CADPS: variants seen among roughly 807,000 people sequenced by gnomAD.
CADPS encodes calcium-dependent secretion activator 1.
Under a neutral mutation model 167.3 loss-of-function variants are expected in CADPS, and 57 were observed. That is an observed-to-expected ratio of 0.34 (90% CI 0.28 to 0.42). CADPS has a LOEUF of 0.42. Among genes scored for constraint, CADPS ranks in the 20% least tolerant of loss-of-function variants. The pLI, the probability that CADPS is intolerant of heterozygous loss-of-function variation, is 1.00. For synonymous variants in CADPS, 676 were observed against 635.3 expected (o/e 1.06, Z -0.96); for missense variants, 1,414 against 1,738.1 (o/e 0.81, Z 3.32).
intron 1 of CADPS, among the ~76,000 whole-genome samples, chr3:62,766,733 C>T (rs992958860): frequency 2.0e-5 from 3 of 152,140 alleles, no homozygotes; most frequent in African/African-American, 7.2e-5. Flanking sequence ...GATTCCTACT[C>T]ATTCTTCCTC....
chr3:62,817,202 A>G (rs866736144), intron 1 of CADPS, among the ~76,000 whole-genome samples: 1 of 146,158 alleles, frequency 6.8e-6, no homozygotes, highest in Non-Finnish European at 1.5e-5. Flanking sequence ...TTTGATAGAC[A>G]CTGCACCATT....
At chr3:62,646,781 C>G (rs1037537756) in intron 5 of CADPS, among the ~76,000 whole-genome samples, 1 of 152,162 alleles carries the variant, frequency 6.6e-6, no homozygotes, top group Non-Finnish European at 1.5e-5. Flanking sequence ...AAAACTGAAT[C>G]AGAGTCACAG....
At chr3:62,550,825 A>G (rs1230396236) in intron 10 of CADPS, 2 of 456,486 alleles carry the variant, frequency 4.4e-6, no homozygotes, top group Non-Finnish European at 8.8e-6. Flanking sequence ...AAAAGCCCTC[A>G]TTTTATTGGG....
chr3:62,865,469 T>C (rs944237436), intron 1 of CADPS, among the ~76,000 whole-genome samples: 70 of 151,770 alleles, frequency 4.6e-4, no homozygotes, highest in African/African-American at 1.7e-3. Flanking sequence ...GAGAAGCACG[T>C]GATGAATTAA....
intron 1 of CADPS, among the ~76,000 whole-genome samples, chr3:62,846,470 T>G (rs1354432209): frequency 6.6e-6 from 1 of 152,230 alleles, no homozygotes; most frequent in African/African-American, 2.4e-5. Context: ...TCCTTCTTCA[T>G]GTGTTACTTG....
chr3:62,799,572 T>C (rs2093643843), intron 1 of CADPS, among the ~76,000 whole-genome samples: 1 of 152,172 alleles, frequency 6.6e-6, no homozygotes, highest in Admixed American at 6.6e-5. Context: ...AGGCACAAAT[T>C]CTAGAGTCAA....
chr3:62,564,160 C>G (rs1201591997), intron 9 of CADPS, among the ~76,000 whole-genome samples: 1 of 152,102 alleles, frequency 6.6e-6, no homozygotes, highest in Non-Finnish European at 1.5e-5. Flanking sequence ...CGCCACCACG[C>G]TTGCCTAATT....
intron 3 of CADPS, among the ~76,000 whole-genome samples, chr3:62,713,732 G>T (rs965546929): frequency 1.3e-5 from 2 of 152,090 alleles, no homozygotes; most frequent in Non-Finnish European, 2.9e-5. Context: ...TTTGGGGCTC[G>T]CCTGCCCTGC....
chr3:62,466,722 T>C (rs951082238), intron 24 of CADPS: 1 of 362,340 alleles, frequency 2.8e-6, no homozygotes, highest in East Asian at 6.1e-5. Context: ...AGTGTGTTGA[T>C]TTGGATCTTA....
intron 28 of CADPS, among the ~76,000 whole-genome samples, chr3:62,428,692 G>C (rs1487303332): frequency 1.3e-5 from 2 of 152,190 alleles, no homozygotes; most frequent in Non-Finnish European, 1.5e-5. Flanking sequence ...GTGGCAGGGG[G>C]CTGTATTACA....
chr3:62,605,474 A>G (rs148338027), intron 6 of CADPS, among the ~76,000 whole-genome samples: 117 of 152,332 alleles, frequency 7.7e-4, no homozygotes, highest in Non-Finnish European at 1.5e-3. Context: ...TGGTCACATG[A>G]ATAGCATCTA....
chr3:62,632,824 T>A (rs1421654988), intron 6 of CADPS, among the ~76,000 whole-genome samples: 2 of 152,070 alleles, frequency 1.3e-5, no homozygotes, highest in Non-Finnish European at 2.9e-5. Flanking sequence ...GCATGTAACA[T>A]TCTGTAAAAG....
intron 1 of CADPS, among the ~76,000 whole-genome samples, chr3:62,821,594 TTCTGTG>T (rs990130684): frequency 8.5e-5 from 13 of 152,178 alleles, no homozygotes; most frequent in African/African-American, 2.7e-4. Context: ...CTTCCTGTGT[TTCTGTG>T]TCTGTGTCAA....
chr3:62,444,514 A>G (rs1317002161), intron 27 of CADPS, among the ~76,000 whole-genome samples: 2 of 152,232 alleles, frequency 1.3e-5, no homozygotes, highest in African/African-American at 4.8e-5. Context: ...GAAAGTTTAT[A>G]CTTTGGAGGC....
intron 18 of CADPS, among the ~76,000 whole-genome samples, chr3:62,497,518 T>A (rs1204146561): frequency 6.6e-6 from 1 of 152,188 alleles, no homozygotes; most frequent in East Asian, 1.9e-4. Flanking sequence ...AAGAACATCC[T>A]ATAGGATAGC....
rs992902308 is a variant in CADPS at position 62,625,265 on chromosome 3, CAA to C, written c.1325+20455_1325+20456del. The C allele has an allele frequency of 2.0e-5, 3 of 149,286 alleles. 1 individual carries two copies. The highest frequency in any genetic ancestry group is 7.6e-5 in the African/African-American group (3 of 39,408). The allele number at this position is 149,286 out of a possible 1,614,324, so 9.2% of individuals were successfully genotyped here. ...AGAAAACATGGTTTTATAGCAGAAACAAAGACATAGATTATCCAAGTATAACG... is the reference window on the plus strand; with the variant it reads ...AGAAAACATGGTTTTATAGCAGAAACAGACATAGATTATCCAAGTATAACG... On this transcript the variant is annotated intron_variant, in intron 6 of 29. Coordinates refer to ENST00000383710, the MANE Select transcript of CADPS (RefSeq NM_003716.4).
At chr3:62,626,653 G>A in intron 6 of CADPS, 3 of 687,706 alleles carry the variant, frequency 4.4e-6, no homozygotes, top group East Asian at 5.4e-5. Context: ...AGGCAATTTT[G>A]TTGACGTTTG....
intron 3 of CADPS, among the ~76,000 whole-genome samples, chr3:62,729,875 T>A (rs559717017): frequency 9.9e-5 from 15 of 151,908 alleles, no homozygotes; most frequent in Non-Finnish European, 1.9e-4. Context: ...GCTGGGCATG[T>A]GGTAAGGCTA....
intron 6 of CADPS, among the ~76,000 whole-genome samples, chr3:62,608,378 G>T (rs764469083): frequency 6.6e-6 from 1 of 151,690 alleles, no homozygotes; most frequent in Non-Finnish European, 1.5e-5. Context: ...CACCTCCCGG[G>T]CTCACGTGAT....
Sources: allele counts gnomAD v4.1 joint callset (sites outside exome capture counted in the v4.1 genomes callset), GRCh38; gene constraint gnomAD v4.1.1; transcripts MANE v1.5; gene names NCBI Gene and HGNC (gene_info 2026-07-23, HGNC 2026-07-21).